KIAA0319L: variants seen among roughly 807,000 people sequenced by gnomAD.
KIAA0319L encodes dyslexia-associated protein KIAA0319-like protein.
A neutral mutation model predicts 120.1 loss-of-function variants in KIAA0319L; 55 were observed. The ratio of observed to expected loss-of-function variants is 0.46; its 90% CI spans 0.37 to 0.57. KIAA0319L has a LOEUF of 0.57. Among genes scored for constraint, KIAA0319L ranks in the 20% least tolerant of loss-of-function variants. The probability of loss-of-function intolerance (pLI) is 0.00; values close to 1 mark genes in which losing one functional copy is unlikely to be tolerated. For missense variants in KIAA0319L, 1,049 were observed against 1,255.3 expected, an observed-to-expected ratio of 0.84 and a Z score of 2.48; for synonymous variants, 398 against 471.9, an observed-to-expected ratio of 0.84 and a Z score of 2.03.
chr1:35,510,604 T>G (rs1164196261), intron 2 of KIAA0319L: 1 of 150,952 alleles, frequency 6.6e-6, no homozygotes, highest in Non-Finnish European at 1.5e-5. Flanking sequence ...ATTTATTTAT[T>G]TATTTATTTA....
chr1:35,549,021 C>G (rs1303121827), intron 2 of KIAA0319L, among the ~76,000 whole-genome samples: 3 of 151,786 alleles, frequency 2.0e-5, no homozygotes, highest in Non-Finnish European at 4.4e-5. Flanking sequence ...GCTTCTCCTA[C>G]GGTTCCAGTA....
chr1:35,475,540 A>G (rs1487974992), intron 4 of KIAA0319L, among the ~76,000 whole-genome samples: 1 of 151,788 alleles, frequency 6.6e-6, no homozygotes, highest in African/African-American at 2.4e-5. Context: ...CAGTTGTGTA[A>G]TCATAGCTCA....
chr1:35,484,806 A>ATATATATATATTTTT (rs1381080295), intron 3 of KIAA0319L, among the ~76,000 whole-genome samples: 1 of 86,264 alleles, frequency 1.2e-5, no homozygotes, highest in Non-Finnish European at 2.2e-5. Context: ...ATATATATAT[A>ATATATATATATTTTT]TTTTTTTTTT....
intron 2 of KIAA0319L, among the ~76,000 whole-genome samples, chr1:35,516,651 A>C (rs989658255): frequency 6.6e-6 from 1 of 152,216 alleles, no homozygotes; most frequent in Non-Finnish European, 1.5e-5. Context: ...GCACAAGACA[A>C]GGATTCCCTC....
At chr1:35,526,017 T>A (rs1349024662) in intron 2 of KIAA0319L, among the ~76,000 whole-genome samples, 1 of 152,136 alleles carries the variant, frequency 6.6e-6, no homozygotes, top group Non-Finnish European at 1.5e-5. Context: ...TTGTATATGA[T>A]GACAGACAGG....
At position 35,449,978 on chromosome 1, in the gene KIAA0319L, G is replaced by T. The variant is rs756913731; in HGVS notation, c.2242C>A (p.Pro748Thr). ...ACCAGGTTTGAAAGAAAAAGGATAG[G>T]GTGATGGTCAGAGTGATTTAACACC... is the stretch of plus-strand genomic sequence containing the variant. ...GEVLNHSDHH[P>T]ILFLSNLVEG... Residue 748 changes from proline to threonine, a missense_variant, in exon 15 of 21, where the codon CCT (proline) becomes ACT (threonine). Transcript: ENST00000325722. The T allele has an allele frequency of 2.5e-6, 4 of 1,614,042 alleles. No homozygotes were observed. Among genetic ancestry groups the T allele is most frequent in the Non-Finnish European group, 2.5e-6 (3 of 1,180,010 alleles).
At chr1:35,435,161 G>C in intron 20 of KIAA0319L, 80 bp from the exon 21 acceptor site, 1 of 1,309,424 alleles carries the variant, frequency 7.6e-7, no homozygotes, top group Non-Finnish European at 1.1e-6. Context: ...CCCAGCCTGA[G>C]GAGCCAAGGA....
intron 3 of KIAA0319L, among the ~76,000 whole-genome samples, chr1:35,498,367 C>A (rs778371347): frequency 6.6e-6 from 1 of 151,454 alleles, no homozygotes; most frequent in African/African-American, 2.4e-5. Flanking sequence ...TGAAGTAATA[C>A]TAAAAATTTT....
At chr1:35,435,241 T>C in intron 20 of KIAA0319L, 160 bp from the exon 21 acceptor site, 3 of 651,472 alleles carry the variant, frequency 4.6e-6, no homozygotes, top group East Asian at 5.5e-5. Context: ...CTAGTCCTTC[T>C]CCCGGGCCCA....
intron 3 of KIAA0319L, among the ~76,000 whole-genome samples, chr1:35,483,441 T>C (rs1005442770): frequency 1.3e-5 from 2 of 152,204 alleles, no homozygotes; most frequent in African/African-American, 4.8e-5. Flanking sequence ...TCAAGGTTCA[T>C]GTTTTTACAT....
Position 35,451,644 on chromosome 1 carries a change from A to C in KIAA0319L, c.2046T>G (p.Asn682Lys). The change falls in exon 13 of 21, where the codon AAT becomes AAG. Residue 682 changes from asparagine (N) to lysine (K), a missense_variant. Asn to Lys is a moderately conservative substitution (Grantham distance 94). Coordinates refer to ENST00000325722, the MANE Select transcript of KIAA0319L (RefSeq NM_024874.5). Reference sequence around the variant, plus strand: ...GAGAGGTACCTTCTTTGACAATGACATTCACAGAGCTCTGGCTTTGCAGGT... The same window carrying C: ...GAGAGGTACCTTCTTTGACAATGACCTTCACAGAGCTCTGGCTTTGCAGGT... ...ERNLQSQSSV[N>K]VIVKEEINKP... The C allele has an allele frequency of 6.2e-7, 1 of 1,614,130 alleles. No homozygotes were observed. The highest frequency in any genetic ancestry group is 8.5e-7 in the Non-Finnish European group (1 of 1,180,008).
chr1:35,447,974 C>G (rs1166254903), intron 16 of KIAA0319L, among the ~76,000 whole-genome samples, 199 bp downstream of exon 16: 2 of 152,184 alleles, frequency 1.3e-5, no homozygotes, highest in Non-Finnish European at 2.9e-5. Flanking sequence ...CTCCTACACC[C>G]TGGAGCCCTG....
chr1:35,528,026 T>G (rs1646220641), intron 2 of KIAA0319L, among the ~76,000 whole-genome samples: 1 of 152,182 alleles, frequency 6.6e-6, no homozygotes, highest in Non-Finnish European at 1.5e-5. Context: ...AACTTCCCTC[T>G]TAGCACTGCT....
intron 3 of KIAA0319L, among the ~76,000 whole-genome samples, chr1:35,502,170 G>A (rs972832884): frequency 6.6e-6 from 1 of 151,466 alleles, no homozygotes; most frequent in African/African-American, 2.4e-5. Context: ...CAGCTACTCT[G>A]GAGGCTGAGG....
intron 5 of KIAA0319L, among the ~76,000 whole-genome samples, chr1:35,472,048 A>G (rs1278916779): frequency 1.3e-5 from 2 of 152,216 alleles, no homozygotes; most frequent in East Asian, 3.9e-4. Flanking sequence ...ACTCAGAGAC[A>G]TTTCTTCCAA....
intron 3 of KIAA0319L, among the ~76,000 whole-genome samples, chr1:35,488,730 C>T (rs183303156): frequency 6.6e-6 from 1 of 152,138 alleles, no homozygotes; most frequent in East Asian, 1.9e-4. Context: ...ATGTGTGGTC[C>T]CCAAAGAAAG....
At chr1:35,436,665 C>G (rs1050510963) in intron 20 of KIAA0319L, among the ~76,000 whole-genome samples, 19 of 152,070 alleles carry the variant, frequency 1.2e-4, no homozygotes, top group African/African-American at 4.3e-4. Flanking sequence ...AAAACAAAAA[C>G]AACAACAAAA....
At chr1:35,454,177 G>A (rs1043283383) in intron 11 of KIAA0319L, 185 bp downstream of exon 11, 19 of 562,292 alleles carry the variant, frequency 3.4e-5, no homozygotes, top group Non-Finnish European at 5.6e-5. Context: ...CTGAGGCTGG[G>A]AAGTATCCTT....
intron 3 of KIAA0319L, among the ~76,000 whole-genome samples, chr1:35,486,837 C>T (rs916444030): frequency 3.3e-5 from 5 of 151,886 alleles, no homozygotes; most frequent in African/African-American, 2.4e-5. Flanking sequence ...CTTGAGCCCA[C>T]GAGTTTGAGG....
Sources: allele counts gnomAD v4.1 joint callset (sites outside exome capture counted in the v4.1 genomes callset), GRCh38; gene constraint gnomAD v4.1.1; transcripts MANE v1.5; gene names NCBI Gene and HGNC (gene_info 2026-07-23, HGNC 2026-07-21).